Variants in SLC44A3 observed in about 807,000 individuals in gnomAD.
SLC44A3 encodes solute carrier family 44 member 3, also known as choline transporter-like protein 3.
SLC44A3 carries 74 observed loss-of-function variants against 75.4 expected under a neutral mutation model. The observed-to-expected ratio is 0.98, with a 90% CI of 0.81 to 1.19. The LOEUF is 1.19. Ranked by LOEUF, SLC44A3 falls within the 50% of genes most tolerant of loss-of-function variation. SLC44A3 has a pLI of 0.00. For missense variants in SLC44A3, 700 were observed against 778.6 expected (o/e 0.90, Z 1.20); for synonymous variants, 310 against 296.9 (o/e 1.04, Z -0.45).
At chr1:94,867,470 T>C in intron 12 of SLC44A3, 53 bp downstream of exon 12, 1 of 1,462,880 alleles carries the variant, frequency 6.8e-7, no homozygotes, top group Non-Finnish European at 9.3e-7. Flanking sequence ...AAAGGTGGGC[T>C]TCATCTCTTA....
rs527684471 is a variant in SLC44A3 at position 94,864,732 on chromosome 1, C to T, written c.1239-11C>T. 6.2e-7 allele frequency: 1 copy of T among 1,609,920 alleles called. No homozygotes were observed. Among genetic ancestry groups the T allele is most frequent in the South Asian group, 1.1e-5 (1 of 90,338 alleles). ...GTGTTTTTAAAATGCTATCCTTTTC[C>T]CTATTTCCAGAAGTAAAAATGATCC... is the stretch of plus-strand genomic sequence containing the variant. On this transcript the variant is annotated splice_polypyrimidine_tract_variant and intron_variant, in intron 10 of 14. Coordinates refer to ENST00000271227, the MANE Select transcript of SLC44A3 (RefSeq NM_001114106.3).
intron 4 of SLC44A3, 68 bp downstream of exon 4, chr1:94,827,711 C>A: frequency 6.5e-7 from 1 of 1,542,680 alleles, no homozygotes; most frequent in Non-Finnish European, 8.8e-7. Context: ...TAGATGAGAT[C>A]ATTTACCCTG....
intron 10 of SLC44A3, among the ~76,000 whole-genome samples, chr1:94,858,000 G>C (rs1200296000): frequency 6.6e-6 from 1 of 151,978 alleles, no homozygotes; most frequent in Non-Finnish European, 1.5e-5. Flanking sequence ...TTTTAGTAGA[G>C]ACAGGGTTTC....
intron 6 of SLC44A3, among the ~76,000 whole-genome samples, chr1:94,838,524 A>G (rs1002758794): frequency 3.3e-5 from 5 of 152,250 alleles, no homozygotes; most frequent in African/African-American, 1.2e-4. Context: ...CCCTTTAGAC[A>G]GTGGTAAGAG....
intron 5 of SLC44A3, among the ~76,000 whole-genome samples, chr1:94,836,042 A>C (rs1662740090): frequency 6.6e-6 from 1 of 152,336 alleles, no homozygotes; most frequent in Admixed American, 6.5e-5. Context: ...TTCTGGAGAA[A>C]GATTCTTCCA....
intron 2 of SLC44A3, among the ~76,000 whole-genome samples, chr1:94,821,452 A>G (rs1456183357): frequency 3.9e-5 from 6 of 152,322 alleles, no homozygotes; most frequent in Non-Finnish European, 7.4e-5. Context: ...AAGCCTAGAA[A>G]TAAACTGCAT....
intron 10 of SLC44A3, among the ~76,000 whole-genome samples, chr1:94,860,607 A>G (rs944510504): frequency 3.9e-5 from 6 of 152,240 alleles, no homozygotes; most frequent in Non-Finnish European, 7.3e-5. Flanking sequence ...TGAACCAGAA[A>G]AACAGTGAAG....
rs1236759428 is a variant in SLC44A3 at position 94,844,528 on chromosome 1, GA to G, written c.886-746del. Reference sequence around the variant, plus strand: ...AGAAAGATCATGGAAGCCAAGGGAGGAAAATGTTTCGAGAAAAGAGGAGTGG... The same window carrying G: ...AGAAAGATCATGGAAGCCAAGGGAGGAAATGTTTCGAGAAAAGAGGAGTGG... On this transcript the variant is annotated intron_variant, in intron 8 of 14. Coordinates refer to ENST00000271227, the MANE Select transcript of SLC44A3 (RefSeq NM_001114106.3). Among the ~76,000 whole-genome samples the G allele has an allele frequency of 2.6e-5, 4 of 152,334 alleles. No homozygotes were observed. In the East Asian group the frequency reaches 7.7e-4, roughly 29 times the overall value.
At chr1:94,864,254 C>T (rs571651580) in intron 10 of SLC44A3, among the ~76,000 whole-genome samples, 9 of 152,274 alleles carry the variant, frequency 5.9e-5, no homozygotes, top group Admixed American at 2.6e-4. Flanking sequence ...GAGCCAAGCA[C>T]CCAGGGCTTT....
intron 1 of SLC44A3, chr1:94,820,740 A>G (rs1435396902): frequency 7.2e-6 from 10 of 1,393,314 alleles, no homozygotes; most frequent in Non-Finnish European, 9.3e-6. Context: ...ACTTGGCGGC[A>G]GGGGGCTTAA....
chr1:94,835,900 G>T (rs893298550), intron 5 of SLC44A3, among the ~76,000 whole-genome samples: 4 of 152,172 alleles, frequency 2.6e-5, no homozygotes, highest in African/African-American at 9.6e-5. Flanking sequence ...TTGGTCTCTT[G>T]TACTTTTTGG....
At chr1:94,872,521 G>T (rs1667876139) in intron 12 of SLC44A3, among the ~76,000 whole-genome samples, 2 of 152,116 alleles carry the variant, frequency 1.3e-5, no homozygotes, top group Non-Finnish European at 2.9e-5. Flanking sequence ...AGTGTCAGAA[G>T]TCTGAGAACC....
chr1:94,842,791 G>T (rs1315140055), intron 8 of SLC44A3, among the ~76,000 whole-genome samples: 3 of 152,226 alleles, frequency 2.0e-5, no homozygotes, highest in Non-Finnish European at 4.4e-5. Flanking sequence ...TGACTGTTCT[G>T]TGGAGCAGCT....
chr1:94,863,889 A>T (rs1307918659), intron 10 of SLC44A3, among the ~76,000 whole-genome samples: 2 of 152,222 alleles, frequency 1.3e-5, no homozygotes, highest in Admixed American at 1.3e-4. Flanking sequence ...ACTTATTAGC[A>T]ACCAGAGCAA....
intron 5 of SLC44A3, among the ~76,000 whole-genome samples, chr1:94,830,123 A>G (rs762871115): frequency 6.6e-6 from 1 of 152,252 alleles, no homozygotes; most frequent in Non-Finnish European, 1.5e-5. Flanking sequence ...CCATTTTGTG[A>G]TATTCTTTTC....
chr1:94,827,743 T>A, intron 4 of SLC44A3, 100 bp downstream of exon 4: 1 of 1,442,060 alleles, frequency 6.9e-7, no homozygotes, highest in Non-Finnish European at 9.4e-7. Context: ...TCTGGAAAGC[T>A]GGAAGTTTTA....
At chr1:94,869,289 C>G (rs1667503133) in intron 12 of SLC44A3, among the ~76,000 whole-genome samples, 1 of 152,168 alleles carries the variant, frequency 6.6e-6, no homozygotes, top group South Asian at 2.1e-4. Flanking sequence ...CCTTAATGAC[C>G]ATTGTGAAGG....
In SLC44A3 at chr1:94,892,635, GCTT is replaced by G. The variant is rs1206241909; in HGVS notation, c.1857+121_1857+123del. ...CCTCTCTCTTCTAGAGGGCTCTGAGGCTTCTACTACCCCCGGGCCTGAAAGTGG... is the reference window on the plus strand; with the variant it reads ...CCTCTCTCTTCTAGAGGGCTCTGAGGCTACTACCCCCGGGCCTGAAAGTGG... On this transcript the variant is annotated intron_variant, in intron 14 of 14. Transcript: ENST00000271227. 18 of 979,500 alleles carry G rather than the reference GCTT, an allele frequency of 1.8e-5. No individual in the cohort carries two copies. The Admixed American group carries it at 3.9e-4, about 21-fold the overall frequency. The allele number at this position is 979,500 out of a possible 1,614,324, so 60.7% of individuals were successfully genotyped here.
At chr1:94,838,215 G>A (rs1248345169) in intron 6 of SLC44A3, among the ~76,000 whole-genome samples, 4 of 152,164 alleles carry the variant, frequency 2.6e-5, no homozygotes, top group Non-Finnish European at 5.9e-5. Flanking sequence ...ATGTCTTCTG[G>A]CCAAACATGC....
Sources: allele counts gnomAD v4.1 joint callset (sites outside exome capture counted in the v4.1 genomes callset), GRCh38; gene constraint gnomAD v4.1.1; transcripts MANE v1.5; gene names NCBI Gene and HGNC (gene_info 2026-07-23, HGNC 2026-07-21).